The following B3GLCT variants were observed in gnomAD, a reference collection of about 807,000 sequenced individuals.
B3GLCT encodes the protein beta-1,3-glucosyltransferase.
B3GLCT carries 65 observed loss-of-function variants against 63.4 expected under a neutral mutation model. That is an observed-to-expected ratio of 1.03 (90% confidence interval 0.84 to 1.26). The LOEUF (loss-of-function observed/expected upper bound fraction) is 1.26. B3GLCT is among the 50% of genes most tolerant of loss of function. The pLI, the probability that B3GLCT is intolerant of heterozygous loss-of-function variation, is 0.00. For synonymous variants in B3GLCT, 233 were observed against 219.2 expected, an observed-to-expected ratio of 1.06 and a Z score of -0.55; for missense variants, 577 against 604.8, an observed-to-expected ratio of 0.95 and a Z score of 0.48.
At chr13:31,212,039 A>G (rs1020741831) in intron 1 of B3GLCT, among the ~76,000 whole-genome samples, 2 of 152,168 alleles carry the variant, frequency 1.3e-5, no homozygotes, top group Non-Finnish European at 2.9e-5. Context: ...TAAAGAGGAA[A>G]TTGTAACCCC....
intron 3 of B3GLCT, among the ~76,000 whole-genome samples, chr13:31,223,466 CA>C (rs1183684444): frequency 1.3e-5 from 2 of 152,168 alleles, no homozygotes; most frequent in African/African-American, 2.4e-5. Context: ...TCACGTCTGC[CA>C]AACTTGTCCC....
chr13:31,242,848 T>C (rs1871021827), intron 4 of B3GLCT, among the ~76,000 whole-genome samples: 3 of 152,232 alleles, frequency 2.0e-5, no homozygotes, highest in Admixed American at 6.5e-5. Flanking sequence ...GACAGGTATC[T>C]AGAAAAATCT....
intron 8 of B3GLCT, among the ~76,000 whole-genome samples, chr13:31,270,545 A>G (rs1872534659): frequency 6.6e-6 from 1 of 152,202 alleles, no homozygotes; most frequent in African/African-American, 2.4e-5. Context: ...TCTAACATAT[A>G]TGAAAGGTAT....
At chr13:31,218,723 A>C (rs1032219459) in intron 2 of B3GLCT, among the ~76,000 whole-genome samples, 1 of 152,152 alleles carries the variant, frequency 6.6e-6, no homozygotes, top group Non-Finnish European at 1.5e-5. Context: ...CTAGACTTCC[A>C]ATACTATATT....
At chr13:31,324,730 A>T (rs567955235) in intron 14 of B3GLCT, among the ~76,000 whole-genome samples, 16 of 151,192 alleles carry the variant, frequency 1.1e-4, no homozygotes, top group Non-Finnish European at 1.8e-4. Flanking sequence ...ATTTATTTTT[A>T]TTTATTTATT....
At chr13:31,244,439 C>T (rs1871100060) in intron 4 of B3GLCT, among the ~76,000 whole-genome samples, 1 of 152,094 alleles carries the variant, frequency 6.6e-6, no homozygotes, top group Admixed American at 6.5e-5. Flanking sequence ...TTGCAGTGAG[C>T]CGAGATTGCG....
chr13:31,229,257 A>G lies in B3GLCT; in HGVS notation c.233A>G (p.Lys78Arg). The G allele has an allele frequency of 6.2e-7, 1 of 1,613,654 alleles. No individual in the cohort carries two copies. Among genetic ancestry groups the G allele is most frequent in the Non-Finnish European group, 8.5e-7 (1 of 1,179,496 alleles). ...CATGCAAAGAGAGCAGAGCAGTTAA[A>G]AAAAAGCATCTTAAAGCAGGCTGCA... ...SFHAKRAEQLKKSILKQAADL... is the reference protein window; with the variant it reads ...SFHAKRAEQLRKSILKQAADL... Residue 78 changes from lysine to arginine, a missense_variant, in exon 4 of 15, where the codon AAA becomes AGA. Transcript: ENST00000343307.
intron 4 of B3GLCT, among the ~76,000 whole-genome samples, chr13:31,231,006 C>G (rs866346942): frequency 2.6e-5 from 4 of 151,016 alleles, no homozygotes; most frequent in African/African-American, 7.3e-5. Flanking sequence ...GATTCTGTCT[C>G]AAAGAAAAAA....
intron 12 of B3GLCT, among the ~76,000 whole-genome samples, chr13:31,310,390 C>T (rs1874643424): frequency 6.6e-6 from 1 of 152,198 alleles, no homozygotes; most frequent in Non-Finnish European, 1.5e-5. Flanking sequence ...CTGGGACCCG[C>T]TGAACAGTAG....
At chr13:31,251,277 C>G (rs1034173590) in intron 6 of B3GLCT, among the ~76,000 whole-genome samples, 1 of 152,170 alleles carries the variant, frequency 6.6e-6, no homozygotes, top group African/African-American at 2.4e-5. Flanking sequence ...CACAAAACGG[C>G]TGAAAATCCC....
intron 2 of B3GLCT, among the ~76,000 whole-genome samples, chr13:31,218,542 A>G (rs1385981598): frequency 6.6e-6 from 1 of 152,160 alleles, no homozygotes; most frequent in Non-Finnish European, 1.5e-5. Flanking sequence ...TTATTTGTGT[A>G]TGGAAATGCT....
Position 31,329,765 on chromosome 13 carries a change from A to T in B3GLCT, c.*97A>T. 2.2e-6 allele frequency: 3 copies of T among 1,388,692 alleles called. No homozygotes were observed. The highest frequency in any genetic ancestry group is 3.0e-6 in the Non-Finnish European group (3 of 988,160). The allele number at this position is 1,388,692 out of a possible 1,614,324, so 86.0% of individuals were successfully genotyped here. A position where few individuals can be genotyped will look rare whatever the true frequency, so the allele number is the denominator to read the frequency against. ...TGCTCACAACACTTGTGTCTGCCACATGGCATTGGGTGCTTCCTGACTTTA... is the reference window on the plus strand; with the variant it reads ...TGCTCACAACACTTGTGTCTGCCACTTGGCATTGGGTGCTTCCTGACTTTA... On this transcript the variant is annotated 3_prime_UTR_variant, in exon 15 of 15. Coordinates refer to ENST00000343307, the MANE Select transcript of B3GLCT (RefSeq NM_194318.4).
intron 4 of B3GLCT, among the ~76,000 whole-genome samples, chr13:31,234,424 G>A (rs1199609049): frequency 6.6e-6 from 1 of 152,180 alleles, no homozygotes; most frequent in East Asian, 1.9e-4. Context: ...AGCTGAGGAG[G>A]GGATGTGATG....
chr13:31,295,156 CAA>C (rs1176365799), intron 12 of B3GLCT, among the ~76,000 whole-genome samples: 1 of 152,232 alleles, frequency 6.6e-6, no homozygotes, highest in African/African-American at 2.4e-5. Context: ...TGCAGAACAG[CAA>C]AGATTGCTGC....
At chr13:31,235,060 G>C (rs1870579981) in intron 4 of B3GLCT, among the ~76,000 whole-genome samples, 1 of 152,074 alleles carries the variant, frequency 6.6e-6, no homozygotes. Flanking sequence ...AGAAGCCCTG[G>C]GCTGGGGACA....
chr13:31,276,485 G>A (rs976687887), intron 9 of B3GLCT, among the ~76,000 whole-genome samples: 3 of 152,142 alleles, frequency 2.0e-5, no homozygotes, highest in Admixed American at 1.3e-4. Context: ...TGCACAGTCC[G>A]TGCACAGTGT....
At chr13:31,267,308 TA>T (rs1329144109) in intron 7 of B3GLCT, among the ~76,000 whole-genome samples, 3 of 152,246 alleles carry the variant, frequency 2.0e-5, no homozygotes, top group Non-Finnish European at 4.4e-5. Context: ...CCTGTGGCAA[TA>T]AGCCCGGGTA....
intron 6 of B3GLCT, among the ~76,000 whole-genome samples, chr13:31,253,185 C>A (rs200884344): frequency 2.6e-5 from 4 of 152,112 alleles, no homozygotes; most frequent in African/African-American, 7.2e-5. Context: ...GCACAACATA[C>A]CAGACTCTCT....
chr13:31,272,747 G>A (rs914692004), intron 8 of B3GLCT, among the ~76,000 whole-genome samples: 1 of 152,080 alleles, frequency 6.6e-6, no homozygotes, highest in African/African-American at 2.4e-5. Flanking sequence ...ACATGCACTT[G>A]TTGTTCAATA....
Sources: gnomAD v4.1 joint callset for allele counts (sites outside exome capture counted in the v4.1 genomes callset) on GRCh38, gnomAD v4.1.1 for gene constraint, MANE v1.5 for transcripts, NCBI Gene and HGNC (gene_info 2026-07-23, HGNC 2026-07-21) for gene names.